The following ANK2 variants were observed in gnomAD, a reference collection of about 807,000 sequenced individuals.
The protein encoded by ANK2 is ankyrin-2.
ANK2 carries 83 observed loss-of-function variants against 360.5 expected under a neutral mutation model. That is an observed-to-expected ratio of 0.23 (90% CI 0.19 to 0.28). ANK2 has a LOEUF of 0.28. Among genes scored for constraint, ANK2 ranks in the 10% least tolerant of loss-of-function variants. ANK2 has a pLI of 1.00. For synonymous variants in ANK2, 1,740 were observed against 1,759.5 expected (o/e 0.99, Z 0.28); for missense variants, 4,201 against 4,795.7 (o/e 0.88, Z 3.66).
Position 112,915,289 on chromosome 4 carries a change from G to A in ANK2, c.21+10775G>A, listed in dbSNP as rs140182544. The stretch of plus-strand genomic sequence containing the variant: ...AATGTACTGGGATAGACAGATAAAC[G>A]GTATTTGTGTACGTCAAACTTGATC... On this transcript the variant is annotated intron_variant, in intron 2 of 30. Transcript: ENST00000503271. Among the ~76,000 whole-genome samples, 341 of 152,140 alleles carry A rather than the reference G, an allele frequency of 2.2e-3. 1 individual carries two copies. Among genetic ancestry groups the A allele is most frequent in the African/African-American group, 7.4e-3 (307 of 41,484 alleles).
the ANK2 span, among the ~76,000 whole-genome samples, chr4:112,746,398 C>T: frequency 6.6e-6 from 1 of 151,252 alleles, no homozygotes; most frequent in Non-Finnish European, 1.5e-5. Context: ...AACCCAGGTA[C>T]TCAGGAGGCT....
At position 113,333,109 on chromosome 4, in the gene ANK2, C is replaced by A. The variant is rs764183866; in HGVS notation, c.3280C>A (p.Leu1094Met). 6 of 1,614,188 alleles carry A rather than the reference C, an allele frequency of 3.7e-6. No homozygotes were observed. The South Asian group carries it at 6.6e-5, about 18-fold the overall frequency. The change falls in exon 29 of 46, where the codon CTG (leucine) becomes ATG (methionine). Residue 1094 changes from leucine to methionine, a missense_variant. By Grantham distance (15) the Leu-to-Met change is conservative. Transcript: ENST00000357077. ...FAALRGKERE[L>M]VVLRSENGDS... The stretch of plus-strand genomic sequence containing the variant: ...GGCCCTTCGAGGAAAGGAAAGGGAA[C>A]TGGTGGTCCTGCGCAGTGAGAATGG...
chr4:113,249,897 A>G (rs2045214259), intron 10 of ANK2, 35 bp downstream of exon 10: 3 of 1,568,042 alleles, frequency 1.9e-6, no homozygotes, highest in Non-Finnish European at 2.6e-6. Context: ...GTCCTAAGAA[A>G]TCTTTAAGTT....
chr4:112,782,147 T>A, the ANK2 span, among the ~76,000 whole-genome samples: 3 of 152,080 alleles, frequency 2.0e-5, no homozygotes, highest in Non-Finnish European at 4.4e-5. Flanking sequence ...TTTTTAGAAG[T>A]CTTTATATTT....
At chr4:112,901,757 A>G (rs1031952666) in intron 1 of ANK2, among the ~76,000 whole-genome samples, 7 of 151,636 alleles carry the variant, frequency 4.6e-5, no homozygotes, top group African/African-American at 1.7e-4. Context: ...GCTACTCAGG[A>G]AGGAGGCTGA....
intron 1 of ANK2, among the ~76,000 whole-genome samples, chr4:112,820,511 T>C (rs976525557): frequency 6.6e-6 from 1 of 152,250 alleles, no homozygotes; most frequent in Non-Finnish European, 1.5e-5. Context: ...TTCTTTTTTA[T>C]TTAAAATGCT....
In ANK2 at chr4:113,240,603, C is replaced by T. The variant is rs750313251; in HGVS notation, c.792+20C>T. On this transcript the variant is annotated intron_variant, in intron 8 of 45. Transcript: ENST00000357077. The stretch of plus-strand genomic sequence containing the variant: ...GCCAGGGTATGGATTGAAATAGTTT[C>T]TCATTCTAGATAGCAGTAAATGAAT... 2 of 1,575,022 alleles carry T rather than the reference C, an allele frequency of 1.3e-6. No individual in the cohort carries two copies. The highest frequency in any genetic ancestry group is 3.3e-5 in the Admixed American group (2 of 59,910).
upstream of ANK2, among the ~76,000 whole-genome samples, chr4:112,816,750 C>T (rs569473976): frequency 1.3e-5 from 2 of 152,318 alleles, no homozygotes; most frequent in Admixed American, 1.3e-4. Context: ...GTGGCTCACG[C>T]CTGTAATCCC....
chr4:112,823,786 G>C (rs187078782), intron 1 of ANK2, among the ~76,000 whole-genome samples: 2 of 152,288 alleles, frequency 1.3e-5, no homozygotes, highest in Admixed American at 6.5e-5. Context: ...TAACACACTG[G>C]GCTCTCAGCC....
intron 42 of ANK2, among the ~76,000 whole-genome samples, chr4:113,368,133 A>T (rs1390361622): frequency 6.6e-6 from 1 of 152,228 alleles, no homozygotes; most frequent in Non-Finnish European, 1.5e-5. Flanking sequence ...AAATTATAGT[A>T]ATAATACACA....
At chr4:113,321,657 T>A (rs1488817275) in intron 26 of ANK2, among the ~76,000 whole-genome samples, 8 of 152,214 alleles carry the variant, frequency 5.3e-5, no homozygotes, top group Non-Finnish European at 1.2e-4. Context: ...GTAGCTTTTA[T>A]TTATTTTTTT....
intron 1 of ANK2, among the ~76,000 whole-genome samples, chr4:113,130,188 T>C (rs2154377358): frequency 6.6e-6 from 1 of 152,338 alleles, no homozygotes; most frequent in African/African-American, 2.4e-5. Context: ...ATAATTTCCA[T>C]AAGCAGCAGT....
intron 35 of ANK2, among the ~76,000 whole-genome samples, chr4:113,347,530 T>C (rs951921476): frequency 6.6e-6 from 1 of 152,164 alleles, no homozygotes; most frequent in Non-Finnish European, 1.5e-5. Context: ...AGAGAAAGCA[T>C]TAACTTCATT....
At position 113,181,020 on chromosome 4, in the gene ANK2, T is replaced by G. The variant is rs532643790; in HGVS notation, c.186+6503T>G. On this transcript the variant is annotated intron_variant, in intron 2 of 45. Coordinates refer to ENST00000357077, the MANE Select transcript of ANK2 (RefSeq NM_001148.6). ...AATTGAGTAACACCTGTCTAATATT[T>G]TGAGTACTTAGAAATTTTAGTTTAC... is the stretch of plus-strand genomic sequence containing the variant. Among the ~76,000 whole-genome samples the G allele has an allele frequency of 1.9e-4, 29 of 152,312 alleles. No homozygotes were observed. The South Asian group carries it at 6.0e-3, about 32-fold the overall frequency.
At chr4:113,378,197 G>T in intron 45 of ANK2, 1 of 1,181,678 alleles carries the variant, frequency 8.5e-7, no homozygotes, top group Non-Finnish European at 1.1e-6. Flanking sequence ...GGTTAGCATG[G>T]GGTGATGCTT....
intron 4 of ANK2, among the ~76,000 whole-genome samples, chr4:113,202,547 G>T (rs992052104): frequency 6.6e-6 from 1 of 152,176 alleles, no homozygotes; most frequent in African/African-American, 2.4e-5. Flanking sequence ...AGGAACATTG[G>T]CAGCTGCCTA....
intron 2 of ANK2, among the ~76,000 whole-genome samples, chr4:112,961,340 T>C (rs2034707081): frequency 6.6e-6 from 1 of 152,140 alleles, no homozygotes. Context: ...TTTTTTTAGT[T>C]ATGTGTAGAG....
chr4:113,083,972 GT>G (rs1177931383), intron 1 of ANK2, among the ~76,000 whole-genome samples: 1 of 152,158 alleles, frequency 6.6e-6, no homozygotes, highest in Non-Finnish European at 1.5e-5. Context: ...TAGTGGAATC[GT>G]TGTGGGGTGA....
chr4:113,125,692 T>C (rs1043881031), intron 1 of ANK2, among the ~76,000 whole-genome samples: 4 of 152,212 alleles, frequency 2.6e-5, no homozygotes, highest in Admixed American at 2.6e-4. Flanking sequence ...TTTATTATTA[T>C]AAATGATTAA....
Sources: allele counts gnomAD v4.1 joint callset (sites outside exome capture counted in the v4.1 genomes callset), GRCh38; gene constraint gnomAD v4.1.1; transcripts MANE v1.5; gene names NCBI Gene and HGNC (gene_info 2026-07-23, HGNC 2026-07-21).